Variants in DROSHA observed in about 807,000 individuals in gnomAD.
DROSHA encodes ribonuclease 3.
A neutral mutation model predicts 181.9 loss-of-function variants in DROSHA; 56 were observed. The observed-to-expected ratio is 0.31, with a 90% confidence interval of 0.25 to 0.38. The LOEUF is 0.38. DROSHA is among the 10% of genes least tolerant of loss of function. DROSHA has a pLI of 1.00. For synonymous variants in DROSHA, 524 were observed against 591.2 expected, an observed-to-expected ratio of 0.89 and a Z score of 1.65; for missense variants, 1,218 against 1,743.5, an observed-to-expected ratio of 0.70 and a Z score of 5.37.
chr5:31,514,299 T>C lies in DROSHA; in HGVS notation c.1290+689A>G, dbSNP rs1739039871. On this transcript the variant is annotated intron_variant, in intron 8 of 35. Transcript: ENST00000344624. This position sits in a 1 kb window ranked among gnomAD's most constrained non-coding sequence, Gnocchi z 4.4. Reference sequence around the variant, plus strand: ...CTACAAACTGCATAAACTAGTTACATGTGAAAGCTTATGAAACCACCAGTA... The same window carrying C: ...CTACAAACTGCATAAACTAGTTACACGTGAAAGCTTATGAAACCACCAGTA... Among the ~76,000 whole-genome samples, 1 of 151,870 alleles carries C rather than the reference T, an allele frequency of 6.6e-6. No individual in the cohort carries two copies. Among genetic ancestry groups the C allele is most frequent in the African/African-American group, 2.4e-5 (1 of 41,340 alleles).
intron 20 of DROSHA, among the ~76,000 whole-genome samples, chr5:31,458,207 T>C (rs1247668482): frequency 1.3e-5 from 2 of 152,218 alleles, no homozygotes; most frequent in Admixed American, 6.5e-5. Flanking sequence ...GATCTTATGA[T>C]ATTTTCAACC....
At chr5:31,516,630 T>A (rs1739303084) in intron 6 of DROSHA, among the ~76,000 whole-genome samples, 1 of 152,212 alleles carries the variant, frequency 6.6e-6, no homozygotes, top group Admixed American at 6.5e-5. Context: ...TGTCAATGTA[T>A]GTTCGCTGTA....
At chr5:31,496,517 G>T (rs374051969) in intron 11 of DROSHA, among the ~76,000 whole-genome samples, 3 of 152,202 alleles carry the variant, frequency 2.0e-5, no homozygotes, top group African/African-American at 7.2e-5. Flanking sequence ...CATGGAGGTG[G>T]CAGCTGCATA....
chr5:31,465,583 C>T (rs889410973), intron 19 of DROSHA, among the ~76,000 whole-genome samples: 31 of 152,186 alleles, frequency 2.0e-4, no homozygotes, highest in Admixed American at 9.2e-4. Flanking sequence ...GGGATTGATA[C>T]AGTTAGGATG....
rs1418619029 is a variant in DROSHA at position 31,409,869 on chromosome 5, A to G, written c.3668-537T>C. Among the ~76,000 whole-genome samples, 1 of 152,176 alleles carries G rather than the reference A, an allele frequency of 6.6e-6. No homozygotes were observed. Among genetic ancestry groups the G allele is most frequent in the Non-Finnish European group, 1.5e-5 (1 of 68,026 alleles). ...CAACAATATGTCAAATTTTGCATTA[A>G]TAAATGGTGACCCCCTAGGATGACT... On this transcript the variant is annotated intron_variant, in intron 31 of 35. Transcript: ENST00000344624. This position sits in a 1 kb window ranked among gnomAD's most constrained non-coding sequence, Gnocchi z 4.0.
At chr5:31,513,237 G>A (rs1738892105) in intron 8 of DROSHA, among the ~76,000 whole-genome samples, 1 of 152,096 alleles carries the variant, frequency 6.6e-6, no homozygotes. Context: ...AGGACCTGAG[G>A]CCTGCTAGTC....
At position 31,526,063 on chromosome 5, in the gene DROSHA, C is replaced by T; in HGVS notation, c.854+16G>A. 1.9e-6 allele frequency: 3 copies of T among 1,558,802 alleles called. No individual in the cohort carries two copies. The highest frequency in any genetic ancestry group is 4.5e-5 in the East Asian group (2 of 44,192). On this transcript the variant is annotated intron_variant, in intron 5 of 35. Transcript: ENST00000344624. ...GCCTCTGCAGTTCATTAAAGAACTACACACAAGCGGTTTACCTGCTCCGTT... is the reference window on the plus strand; with the variant it reads ...GCCTCTGCAGTTCATTAAAGAACTATACACAAGCGGTTTACCTGCTCCGTT...
chr5:31,438,610 G>A (rs1189785285), intron 23 of DROSHA, among the ~76,000 whole-genome samples: 3 of 152,104 alleles, frequency 2.0e-5, no homozygotes, highest in African/African-American at 7.2e-5. Flanking sequence ...TTTTGGACAT[G>A]TTAACTTCAA....
chr5:31,494,831 T>C (rs1012966363), intron 12 of DROSHA, among the ~76,000 whole-genome samples: 13 of 149,660 alleles, frequency 8.7e-5, no homozygotes, highest in Admixed American at 4.0e-4. Context: ...CCCGCCACCA[T>C]GCCCGGCTAA....
At position 31,495,137 on chromosome 5, in the gene DROSHA, T is replaced by C; in HGVS notation, c.1755+149A>G. The C allele has an allele frequency of 7.3e-6, 6 of 822,462 alleles. No homozygotes were observed. The East Asian group carries it at 1.5e-4, about 20-fold the overall frequency. 50.9% of individuals were successfully genotyped at this position (822,462 alleles called of 1,614,324 possible). A position where few individuals can be genotyped will look rare whatever the true frequency, so the allele number is the denominator to read the frequency against. ...AGTGAAGAGGAAGCTGAAAGAAACG[T>C]CATCGTGAGAAAGGCCAATTTGTCA... On this transcript the variant is annotated intron_variant, in intron 12 of 35. Coordinates refer to ENST00000344624, the MANE Select transcript of DROSHA (RefSeq NM_001382508.1).
At chr5:31,525,261 C>T (rs976303856) in intron 5 of DROSHA, among the ~76,000 whole-genome samples, 7 of 137,980 alleles carry the variant, frequency 5.1e-5, no homozygotes, top group African/African-American at 1.6e-4. Context: ...AACCCAGAGG[C>T]AGAGGTTGTA....
intron 23 of DROSHA, 167 bp from the exon 24 acceptor site, chr5:31,437,465 A>C (rs1015027266): frequency 5.2e-4 from 329 of 629,504 alleles, no homozygotes; most frequent in East Asian, 5.1e-3. Context: ...GCCTAGAGGC[A>C]TCTGGCACCT....
chr5:31,465,108 A>G (rs1748856442), intron 19 of DROSHA, among the ~76,000 whole-genome samples: 1 of 152,154 alleles, frequency 6.6e-6, no homozygotes, highest in African/African-American at 2.4e-5. Flanking sequence ...TCTCAACCTT[A>G]GTTCCCTCCT....
intron 14 of DROSHA, among the ~76,000 whole-genome samples, chr5:31,485,650 A>AAAC (rs1554039002): frequency 0.095 from 14,253 of 149,448 alleles, 902 homozygotes; most frequent in East Asian, 0.22. Flanking sequence ...AAAAAAAAAA[A>AAAC]CCCTTCTAAA....
chr5:31,401,484 T>C lies in DROSHA; in HGVS notation c.4073A>G (p.Glu1358Gly). 7 of 1,613,222 alleles carry C rather than the reference T, an allele frequency of 4.3e-6. No individual in the cohort carries two copies. The highest frequency in any genetic ancestry group is 5.9e-6 in the Non-Finnish European group (7 of 1,179,416). ...YRQELKEMRW[E>G]REHQEREPDE... Reference sequence around the variant, plus strand: ...TGGCTCTCTCTCTTGATGCTCTCTTTCCCACCTCATTTCTTTTAACTCTTG... The same window carrying C: ...TGGCTCTCTCTCTTGATGCTCTCTTCCCCACCTCATTTCTTTTAACTCTTG... The change falls in exon 36 of 36, where the codon GAA becomes GGA. Residue 1358 changes from glutamate to glycine, a missense_variant. Physicochemically the swap from Glu to Gly is moderately conservative, Grantham distance 98. This residue lies in a region of DROSHA where 32 missense variants were observed against 29.2 expected (regional missense o/e 1.09). Coordinates refer to ENST00000344624, the MANE Select transcript of DROSHA (RefSeq NM_001382508.1).
chr5:31,401,982 A>G (rs893102288), intron 35 of DROSHA, among the ~76,000 whole-genome samples: 1 of 152,226 alleles, frequency 6.6e-6, no homozygotes, highest in African/African-American at 2.4e-5. Flanking sequence ...AACTTCAAAC[A>G]AATGATATTA....
chr5:31,422,183 TATG>T (rs779451215), intron 29 of DROSHA, among the ~76,000 whole-genome samples: 1 of 151,834 alleles, frequency 6.6e-6, no homozygotes, highest in African/African-American at 2.4e-5. Context: ...AAAAAAAATC[TATG>T]ATAAGAATCT....
intron 35 of DROSHA, among the ~76,000 whole-genome samples, chr5:31,402,503 T>C (rs1207228740): frequency 6.6e-6 from 1 of 152,218 alleles, no homozygotes; most frequent in African/African-American, 2.4e-5. Context: ...TGTGCCTGAT[T>C]TGTAAATTAA....
chr5:31,472,031 C>A, intron 17 of DROSHA, 32 bp downstream of exon 17: 1 of 1,555,232 alleles, frequency 6.4e-7, no homozygotes, highest in South Asian at 1.2e-5. Flanking sequence ...GAAGGTCCTC[C>A]AGCCTCTGAA....
Sources: gnomAD v4.1 joint callset for allele counts (sites outside exome capture counted in the v4.1 genomes callset) on GRCh38, gnomAD v4.1.1 for gene constraint, gnomAD v4.1.1 regional missense constraint, Gnocchi (gnomAD v3.1) non-coding constraint, MANE v1.5 for transcripts, NCBI Gene and HGNC (gene_info 2026-07-23, HGNC 2026-07-21) for gene names.